The following NOSTRIN variants were observed in gnomAD, a reference collection of about 807,000 sequenced individuals.
NOSTRIN encodes BM247 homolog.
In NOSTRIN, 63 loss-of-function variants were observed where a neutral mutation model predicts 59.0. The observed-to-expected ratio is 1.07, with a 90% CI of 0.87 to 1.32. NOSTRIN has a LOEUF of 1.32. Among genes scored for constraint, NOSTRIN ranks in the 40% most tolerant of loss-of-function variants. The pLI, the probability that NOSTRIN is intolerant of heterozygous loss-of-function variation, is 0.00. For missense variants in NOSTRIN, 512 were observed against 473.1 expected, an observed-to-expected ratio of 1.08 and a Z score of -0.76; for synonymous variants, 200 against 165.4, an observed-to-expected ratio of 1.21 and a Z score of -1.61.
intron 12 of NOSTRIN, among the ~76,000 whole-genome samples, chr2:168,858,955 C>A (rs967840279): frequency 6.6e-6 from 1 of 152,208 alleles, no homozygotes; most frequent in African/African-American, 2.4e-5. Context: ...AGGAGTGTAT[C>A]TTTAGCTTGA....
At chr2:168,822,831 A>T (rs1245174595) in intron 2 of NOSTRIN, among the ~76,000 whole-genome samples, 1 of 152,108 alleles carries the variant, frequency 6.6e-6, no homozygotes, top group African/African-American at 2.4e-5. Context: ...AAGTAATAGA[A>T]ATTCATTTTC....
chr2:168,815,365 T>C (rs1327228796), intron 2 of NOSTRIN, among the ~76,000 whole-genome samples: 1 of 152,180 alleles, frequency 6.6e-6, no homozygotes, highest in Non-Finnish European at 1.5e-5. Context: ...TTTAATACAA[T>C]TACAGATCAG....
chr2:168,833,008 T>C (rs966701481), intron 6 of NOSTRIN, among the ~76,000 whole-genome samples: 8 of 152,208 alleles, frequency 5.3e-5, no homozygotes, highest in Non-Finnish European at 7.3e-5. Context: ...AAGCCAGAAA[T>C]AATGCTGAGA....
chr2:168,863,381 A>G (rs943812153), intron 15 of NOSTRIN: 2 of 983,318 alleles, frequency 2.0e-6, no homozygotes, highest in Non-Finnish European at 2.4e-6. Flanking sequence ...TCTTAGAAAG[A>G]AAGTTGCTGA....
At position 168,855,457 on chromosome 2, in the gene NOSTRIN, GAAGGTGTGT is replaced by G; in HGVS notation, c.964_964+8del. 6.3e-7 allele frequency: 1 copy of G among 1,587,366 alleles called. No homozygotes were observed. On this transcript the variant is annotated splice_donor_variant and splice_donor_5th_base_variant and coding_sequence_variant and intron_variant, in exon 11 of 16. Coordinates refer to ENST00000317647, the MANE Select transcript of NOSTRIN (RefSeq NM_001039724.4). LOFTEE classifies it high-confidence loss of function. ...CATTGAAAAAGCCTCAAAAGACAAG[GAAGGTGTGT>G]AACCATCTCTTTGAATGGCCAGAAA... is the stretch of plus-strand genomic sequence containing the variant.
intron 2 of NOSTRIN, among the ~76,000 whole-genome samples, chr2:168,789,894 C>T (rs866097290): frequency 2.5e-4 from 38 of 152,184 alleles, no homozygotes; most frequent in Non-Finnish European, 4.4e-4. Context: ...AAAAACTGGT[C>T]TCATAAAAGA....
chr2:168,834,479 C>A lies in NOSTRIN; in HGVS notation c.504+154C>A, dbSNP rs556971149. On this transcript the variant is annotated intron_variant, in intron 7 of 15. Coordinates refer to ENST00000317647, the MANE Select transcript of NOSTRIN (RefSeq NM_001039724.4). ...CAGAGCATAAAAGGGGATTCCAAAT[C>A]ATTACTGGCGTGCGCGCGCGCGCGC... Among the ~76,000 whole-genome samples the A allele has an allele frequency of 1.2e-4, 13 of 109,648 alleles. No homozygotes were observed. In the East Asian group the frequency reaches 3.1e-3, roughly 26 times the overall value. 71.9% of individuals were successfully genotyped at this position (109,648 alleles called of 152,430 possible). A position where few individuals can be genotyped will look rare whatever the true frequency, so the allele number is the denominator to read the frequency against.
intron 1 of NOSTRIN, among the ~76,000 whole-genome samples, chr2:168,805,964 T>A (rs755311455): frequency 9.2e-5 from 14 of 152,300 alleles, no homozygotes; most frequent in Middle Eastern, 3.4e-3. Flanking sequence ...TTCTTGGACC[T>A]CTGTTTCCTT....
intron 1 of NOSTRIN, among the ~76,000 whole-genome samples, chr2:168,807,928 C>T (rs1685944749): frequency 6.6e-6 from 1 of 152,206 alleles, no homozygotes. Context: ...ATAGACTGTG[C>T]TTTGGTCCAG....
chr2:168,834,305 A>T lies in NOSTRIN; in HGVS notation c.484A>T (p.Thr162Ser). Residue 162 changes from threonine to serine, a missense_variant, in exon 7 of 16, where the codon ACT becomes TCT. Physicochemically the swap from Thr to Ser is moderately conservative, Grantham distance 58. Coordinates refer to ENST00000317647, the MANE Select transcript of NOSTRIN (RefSeq NM_001039724.4). Reference sequence around the variant, plus strand: ...TGTAGAAAGCTCCAAGCAATCTATGACTGAGAAGGAGAAGCGGAAGGTAAG... The same window carrying T: ...TGTAGAAAGCTCCAAGCAATCTATGTCTGAGAAGGAGAAGCGGAAGGTAAG... Reference protein sequence around the residue: ...QLVESSKQSMTEKEKRKLLNK... With the variant: ...QLVESSKQSMSEKEKRKLLNK... 1 of 872,854 alleles carries T rather than the reference A, an allele frequency of 1.1e-6. No individual in the cohort carries two copies. The highest frequency in any genetic ancestry group is 2.0e-6 in the Non-Finnish European group (1 of 501,628). The allele number at this position is 872,854 out of a possible 1,614,324, so 54.1% of individuals were successfully genotyped here. A position where few individuals can be genotyped will look rare whatever the true frequency, so the allele number is the denominator to read the frequency against.
At chr2:168,788,186 G>A (rs1685254151) in intron 2 of NOSTRIN, 1 of 150,730 alleles carries the variant, frequency 6.6e-6, no homozygotes, top group South Asian at 2.1e-4. Context: ...GCTGCAGTGA[G>A]CTATGATGGT....
intron 11 of NOSTRIN, chr2:168,856,019 T>C (rs1305290803): frequency 3.0e-6 from 1 of 332,334 alleles, no homozygotes; most frequent in Non-Finnish European, 5.9e-6. Context: ...AATGGAATAC[T>C]AGAGAGCAAA....
rs763549273 is a variant in NOSTRIN, at chr2:168,828,433, G to A, written c.274G>A (p.Ala92Thr). 2.3e-6 allele frequency: 2 copies of A among 870,814 alleles called. No individual in the cohort carries two copies. Among genetic ancestry groups the A allele is most frequent in the South Asian group, 2.6e-5 (2 of 75,646 alleles). The allele number at this position is 870,814 out of a possible 1,614,324, so 53.9% of individuals were successfully genotyped here. A position where few individuals can be genotyped will look rare whatever the true frequency, so the allele number is the denominator to read the frequency against. Reference sequence around the variant, plus strand: ...TTTTATTTCCAGAAAACTTGGCAAAGCAATTGAATTGGAAGCAATAAAACC... The same window carrying A: ...TTTTATTTCCAGAAAACTTGGCAAAACAATTGAATTGGAAGCAATAAAACC... ...TADLHQKLGK[A>T]IELEAIKPTY... Residue 92 changes from alanine (A) to threonine (T), a missense_variant, in exon 5 of 16, where the codon GCA becomes ACA. Physicochemically the swap from Ala to Thr is moderately conservative, Grantham distance 58. Coordinates refer to ENST00000317647, the MANE Select transcript of NOSTRIN (RefSeq NM_001039724.4).
At chr2:168,838,373 G>A (rs1291730911) in intron 7 of NOSTRIN, among the ~76,000 whole-genome samples, 2 of 152,160 alleles carry the variant, frequency 1.3e-5, no homozygotes, top group African/African-American at 4.8e-5. Flanking sequence ...CCAAGTAGCT[G>A]GGAGTACAGG....
intron 8 of NOSTRIN, among the ~76,000 whole-genome samples, chr2:168,848,551 A>C (rs998529070): frequency 7.2e-6 from 1 of 138,096 alleles, no homozygotes; most frequent in African/African-American, 2.5e-5. Flanking sequence ...TGTTCAAATG[A>C]CTATATACCA....
chr2:168,822,527 ATAAT>A (rs1216352173), intron 2 of NOSTRIN, among the ~76,000 whole-genome samples: 2 of 152,270 alleles, frequency 1.3e-5, no homozygotes, highest in African/African-American at 2.4e-5. Context: ...AACATAATAA[ATAAT>A]TCTAAAATAT....
Position 168,865,139 on chromosome 2 carries a change from A to G in NOSTRIN, c.*169A>G, listed in dbSNP as rs1574352878. On this transcript the variant is annotated 3_prime_UTR_variant, in exon 16 of 16. Coordinates refer to ENST00000317647, the MANE Select transcript of NOSTRIN (RefSeq NM_001039724.4). ...ATGATTATTAGCTTGAAACAGTCAG[A>G]AAAAAGATGGATGGGTGGAGACAGA... The G allele has an allele frequency of 1.4e-6, 1 of 721,770 alleles. No homozygotes were observed. Among genetic ancestry groups the G allele is most frequent in the South Asian group, 2.0e-5 (1 of 50,264 alleles). 44.7% of individuals were successfully genotyped at this position (721,770 alleles called of 1,614,324 possible). A position where few individuals can be genotyped will look rare whatever the true frequency, so the allele number is the denominator to read the frequency against.
At chr2:168,789,195 A>T (rs1685282988) in intron 2 of NOSTRIN, among the ~76,000 whole-genome samples, 1 of 152,244 alleles carries the variant, frequency 6.6e-6, no homozygotes, top group Non-Finnish European at 1.5e-5. Context: ...TTATGAGGAC[A>T]TAGAACCAAC....
At chr2:168,835,267 C>T (rs996529490) in intron 7 of NOSTRIN, among the ~76,000 whole-genome samples, 4 of 151,962 alleles carry the variant, frequency 2.6e-5, no homozygotes, top group South Asian at 2.1e-4. Context: ...TTAGTAGAGG[C>T]GAGGTGTCAC....
Sources: gnomAD v4.1 joint callset for allele counts (sites outside exome capture counted in the v4.1 genomes callset) on GRCh38, gnomAD v4.1.1 for gene constraint, MANE v1.5 for transcripts, NCBI Gene and HGNC (gene_info 2026-07-23, HGNC 2026-07-21) for gene names.